PEX2: variants seen among roughly 807,000 people sequenced by gnomAD.
The protein encoded by PEX2 is peroxisome biogenesis factor 2.
A neutral mutation model predicts 25.2 loss-of-function variants in PEX2; 19 were observed. The observed-to-expected ratio is 0.75, with a 90% confidence interval of 0.53 to 1.10. PEX2 has a LOEUF of 1.10. PEX2 is among the 50% of genes least tolerant of loss of function. The pLI, the probability that PEX2 is intolerant of heterozygous loss-of-function variation, is 0.00. For missense variants in PEX2, 347 were observed against 350.6 expected (o/e 0.99, Z 0.08); for synonymous variants, 141 against 127.7 (o/e 1.10, Z -0.70).
At chr8:76,993,596 A>G (rs957673226) in intron 1 of PEX2, among the ~76,000 whole-genome samples, 3 of 152,164 alleles carry the variant, frequency 2.0e-5, no homozygotes, top group Non-Finnish European at 2.9e-5. Context: ...AACAATTTCT[A>G]TATTATTGGT....
In PEX2 at chr8:76,983,699, C is replaced by T; in HGVS notation, c.480G>A (p.Arg160=). The T allele has an allele frequency of 6.2e-7, 1 of 1,614,058 alleles. No homozygotes were observed. The highest frequency in any genetic ancestry group is 1.7e-5 in the Admixed American group (1 of 60,022). ...GLINFLIFLQ[R]GKFATLTERL... ...GTTCTGTCAAAGTTGCAAACTTTCC[C>T]CTCTGAAGGAAAATCAAAAAATTAA... The change falls in exon 4 of 4, where the codon AGG becomes AGA. Residue 160 remains arginine, a synonymous_variant. Coordinates refer to ENST00000357039, the MANE Select transcript of PEX2 (RefSeq NM_000318.3).
chr8:76,999,309 CA>C (rs1807425938), intron 1 of PEX2, among the ~76,000 whole-genome samples: 1 of 152,144 alleles, frequency 6.6e-6, no homozygotes, highest in Admixed American at 6.6e-5. Flanking sequence ...CTCATTTTGC[CA>C]AAAGCCCTTT....
At chr8:76,991,629 G>A (rs1381202323) in intron 1 of PEX2, among the ~76,000 whole-genome samples, 1 of 152,126 alleles carries the variant, frequency 6.6e-6, no homozygotes, top group African/African-American at 2.4e-5. Flanking sequence ...CATTAAAGTG[G>A]AATACTTCTC....
At chr8:76,993,233 A>T (rs1586076733) in intron 1 of PEX2, among the ~76,000 whole-genome samples, 1 of 152,304 alleles carries the variant, frequency 6.6e-6, no homozygotes, top group East Asian at 1.9e-4. Flanking sequence ...AAGAGAAGAG[A>T]CATAATGGGA....
At chr8:76,999,382 T>C (rs1807428141) in intron 1 of PEX2, among the ~76,000 whole-genome samples, 1 of 140,964 alleles carries the variant, frequency 7.1e-6, no homozygotes, top group Non-Finnish European at 1.5e-5. Context: ...CGATTTTTAA[T>C]TTAAGAACCC....
rs1806842161 is a variant in PEX2, at chr8:76,981,945, A to C, written c.*1316T>G. ...CAATCACAGAATGTAAACTCCATGA[A>C]GGTAACTTGATTTTTCCTGCTTAAT... On this transcript the variant is annotated 3_prime_UTR_variant, in exon 4 of 4. Coordinates refer to ENST00000357039, the MANE Select transcript of PEX2 (RefSeq NM_000318.3). The C allele has an allele frequency of 6.6e-6, 1 of 152,198 alleles. No individual in the cohort carries two copies. The allele number at this position is 152,198 out of a possible 1,614,324, so 9.4% of individuals were successfully genotyped here.
intron 1 of PEX2, among the ~76,000 whole-genome samples, chr8:76,992,502 G>C (rs1367844322): frequency 1.3e-5 from 2 of 152,106 alleles, no homozygotes; most frequent in Admixed American, 6.6e-5. Context: ...GGCAGCAAAG[G>C]AGTAGAAGAA....
chr8:76,992,074 CATA>C (rs1273680522), intron 1 of PEX2, among the ~76,000 whole-genome samples: 3 of 152,086 alleles, frequency 2.0e-5, no homozygotes, highest in Admixed American at 6.5e-5. Flanking sequence ...AAACCACAAA[CATA>C]ATGTCACCCT....
chr8:76,984,005 C>A lies in PEX2; in HGVS notation c.174G>T (p.Ala58=). ...ATCTCCACAAGAAAACCCATAAGCACGCTTTCACCTCTGGCTCAAAGCGAG... is the reference window on the plus strand; with the variant it reads ...ATCTCCACAAGAAAACCCATAAGCAAGCTTTCACCTCTGGCTCAAAGCGAG... ...LLARFEPEVK[A]CLWVFLWRFT... Residue 58 remains alanine, a synonymous_variant, in exon 4 of 4, where the codon GCG becomes GCT. Coordinates refer to ENST00000357039, the MANE Select transcript of PEX2 (RefSeq NM_000318.3). 1 of 1,614,044 alleles carries A rather than the reference C, an allele frequency of 6.2e-7. No individual in the cohort carries two copies. The highest frequency in any genetic ancestry group is 8.5e-7 in the Non-Finnish European group (1 of 1,179,938).
rs531154046 is a variant in PEX2, at chr8:76,980,666, T to C, written c.*2595A>G. On this transcript the variant is annotated 3_prime_UTR_variant, in exon 4 of 4. Transcript: ENST00000357039. The stretch of plus-strand genomic sequence containing the variant: ...GTAACTATTAGGCAAGAGTATCTCA[T>C]GCCAGTGGGATCAGAAAGCTAGCAG... 1.2e-3 allele frequency: 178 copies of C among 152,352 alleles called. No homozygotes were observed. Among genetic ancestry groups the C allele is most frequent in the African/African-American group, 4.0e-3 (165 of 41,588 alleles). The allele number at this position is 152,352 out of a possible 1,614,324, so 9.4% of individuals were successfully genotyped here.
intron 3 of PEX2, among the ~76,000 whole-genome samples, 176 bp from the exon 4 acceptor site, chr8:76,984,371 G>A (rs963261899): frequency 4.6e-5 from 7 of 152,050 alleles, no homozygotes; most frequent in African/African-American, 1.2e-4. Flanking sequence ...CTTCTGTCTC[G>A]TCTCTCAGAG....
At chr8:76,993,915 T>C (rs1218691119) in intron 1 of PEX2, among the ~76,000 whole-genome samples, 1 of 152,214 alleles carries the variant, frequency 6.6e-6, no homozygotes, top group Non-Finnish European at 1.5e-5. Flanking sequence ...TAAATAATCT[T>C]AGCATTTAGT....
At chr8:76,987,735 G>A (rs878997727) in intron 2 of PEX2, among the ~76,000 whole-genome samples, 1 of 152,162 alleles carries the variant, frequency 6.6e-6, no homozygotes, top group Admixed American at 6.6e-5. Flanking sequence ...ATCTTTGACA[G>A]CGGTGAGGTG....
At chr8:76,999,209 T>C (rs1233801979) in intron 1 of PEX2, among the ~76,000 whole-genome samples, 3 of 152,166 alleles carry the variant, frequency 2.0e-5, no homozygotes, top group Admixed American at 2.0e-4. Context: ...CAAGTATCAT[T>C]TAATTGTCCG....
chr8:76,992,817 A>T (rs1309273590), intron 1 of PEX2, among the ~76,000 whole-genome samples: 2 of 152,212 alleles, frequency 1.3e-5, no homozygotes, highest in Non-Finnish European at 2.9e-5. Context: ...CCTTTTATTC[A>T]AGCATTTTAA....
At chr8:76,997,789 T>C (rs142633141) in intron 1 of PEX2, among the ~76,000 whole-genome samples, 15 of 152,288 alleles carry the variant, frequency 9.8e-5, no homozygotes, top group Non-Finnish European at 2.1e-4. Context: ...GATGGGAATA[T>C]GTTAGGAAGA....
intron 1 of PEX2, among the ~76,000 whole-genome samples, chr8:76,997,269 G>A (rs1369814981): frequency 1.3e-5 from 2 of 152,146 alleles, no homozygotes; most frequent in Non-Finnish European, 1.5e-5. Flanking sequence ...TAACTATTAC[G>A]AACACATACA....
rs1806849071 is a variant in PEX2, at chr8:76,982,191, CT to C, written c.*1069del. On this transcript the variant is annotated 3_prime_UTR_variant, in exon 4 of 4. Transcript: ENST00000357039. ...ATACCATTTTAAGAGTCTGAATTTA[CT>C]TTTAAGTAAAAAAAGGCAGAGAAAA... 1 of 152,168 alleles carries C rather than the reference CT, an allele frequency of 6.6e-6. No homozygotes were observed. Among genetic ancestry groups the C allele is most frequent in the Non-Finnish European group, 1.5e-5 (1 of 68,036 alleles). The allele number at this position is 152,168 out of a possible 1,614,324, so 9.4% of individuals were successfully genotyped here. A position where few individuals can be genotyped will look rare whatever the true frequency, so the allele number is the denominator to read the frequency against.
At chr8:76,999,884 A>G (rs146550182) in intron 1 of PEX2, 106 bp downstream of exon 1, 351 of 453,210 alleles carry the variant, frequency 7.7e-4, no homozygotes, top group African/African-American at 1.7e-3. Context: ...ATAAACAGGG[A>G]AAAAAAAGCA....
Sources: gnomAD v4.1 joint callset for allele counts (sites outside exome capture counted in the v4.1 genomes callset) on GRCh38, gnomAD v4.1.1 for gene constraint, MANE v1.5 for transcripts, NCBI Gene and HGNC (gene_info 2026-07-23, HGNC 2026-07-21) for gene names.